Variants in THOC5 observed in about 807,000 individuals in gnomAD.
THOC5 encodes the protein Fms-interacting protein.
THOC5 carries 43 observed loss-of-function variants against 92.9 expected under a neutral mutation model. The ratio of observed to expected loss-of-function variants is 0.46; its 90% CI spans 0.36 to 0.60. THOC5 has a LOEUF of 0.60. THOC5 is among the 20% of genes least tolerant of loss of function. The probability of loss-of-function intolerance (pLI) is 0.00; values close to 1 mark genes in which losing one functional copy is unlikely to be tolerated. For missense variants in THOC5, 659 were observed against 849.4 expected (o/e 0.78, Z 2.79); for synonymous variants, 296 against 320.1 (o/e 0.92, Z 0.80).
intron 18 of THOC5, 59 bp from the exon 19 acceptor site, chr22:29,511,355 T>C (rs2063218671): frequency 1.3e-6 from 2 of 1,556,180 alleles, no homozygotes; most frequent in Non-Finnish European, 1.7e-6. Flanking sequence ...GGGACCACAC[T>C]GGCCAGGCTT....
chr22:29,530,828 C>A (rs2063639481), intron 8 of THOC5, among the ~76,000 whole-genome samples: 1 of 152,062 alleles, frequency 6.6e-6, no homozygotes, highest in Admixed American at 6.6e-5. Context: ...ACATATGGTC[C>A]CAAGAGCCTG....
In THOC5 at chr22:29,531,237, T is replaced by C. The variant is rs990913411; in HGVS notation, c.847+594A>G. On this transcript the variant is annotated intron_variant, in intron 8 of 19. Coordinates refer to ENST00000490103, the MANE Select transcript of THOC5 (RefSeq NM_003678.5). ...GAGAAGCAAGCACTGGTGCGGTGTA[T>C]GTCTGTCTGATGAGGTGGGGTGGGG... The C allele has an allele frequency of 6.8e-6, 7 of 1,022,288 alleles. 1 individual carries two copies. Among genetic ancestry groups the C allele is most frequent in the East Asian group, 1.1e-4 (1 of 8,828 alleles). The allele number at this position is 1,022,288 out of a possible 1,614,324, so 63.3% of individuals were successfully genotyped here. A position where few individuals can be genotyped will look rare whatever the true frequency, so the allele number is the denominator to read the frequency against.
chr22:29,553,154 T>C (rs544075709), intron 1 of THOC5, among the ~76,000 whole-genome samples: 1 of 152,298 alleles, frequency 6.6e-6, no homozygotes, highest in Non-Finnish European at 1.5e-5. Context: ...TGTTCACTTG[T>C]TTATCTGCTG....
chr22:29,523,628 T>C (rs1555959548), intron 12 of THOC5, among the ~76,000 whole-genome samples: 1 of 152,060 alleles, frequency 6.6e-6, no homozygotes. Flanking sequence ...ACAAAGACGG[T>C]GGAAAGCCCA....
intron 13 of THOC5, among the ~76,000 whole-genome samples, chr22:29,520,528 C>G (rs2063420059): frequency 6.6e-6 from 1 of 152,022 alleles, no homozygotes; most frequent in South Asian, 2.1e-4. Flanking sequence ...GGGTCTGGCT[C>G]TGTTGCCCCC....
chr22:29,550,868 C>A (rs1569238444), intron 1 of THOC5: 1 of 152,138 alleles, frequency 6.6e-6, no homozygotes, highest in Non-Finnish European at 1.5e-5. Flanking sequence ...AATCCCTTTT[C>A]AATTCTTATT....
chr22:29,538,414 T>G (rs890860477), intron 6 of THOC5, among the ~76,000 whole-genome samples: 1 of 152,322 alleles, frequency 6.6e-6, no homozygotes, highest in East Asian at 1.9e-4. Flanking sequence ...TTTACAAAGC[T>G]TTCTGCCATA....
chr22:29,528,875 A>G, intron 9 of THOC5: 1 of 522,232 alleles, frequency 1.9e-6, no homozygotes, highest in Non-Finnish European at 3.4e-6. Context: ...TAACAATCCT[A>G]CATGAGGTGT....
intron 12 of THOC5, among the ~76,000 whole-genome samples, chr22:29,524,505 T>G (rs774004473): frequency 7.2e-5 from 11 of 152,162 alleles, no homozygotes; most frequent in Non-Finnish European, 1.0e-4. Context: ...GTTATTAGCA[T>G]GTAGGGCACC....
chr22:29,537,991 T>C (rs1480686030), intron 6 of THOC5, among the ~76,000 whole-genome samples: 1 of 152,232 alleles, frequency 6.6e-6, no homozygotes, highest in Non-Finnish European at 1.5e-5. Flanking sequence ...TATTTATTTA[T>C]TTATTTTTTG....
chr22:29,547,370 T>C (rs529473186), intron 2 of THOC5, among the ~76,000 whole-genome samples: 3 of 152,026 alleles, frequency 2.0e-5, no homozygotes, highest in Non-Finnish European at 4.4e-5. Flanking sequence ...ATCAACTTTT[T>C]TTTTTTTCTT....
Position 29,525,914 on chromosome 22 carries a change from G to A in THOC5, c.1099C>T (p.Leu367Phe). The A allele has an allele frequency of 6.2e-7, 1 of 1,613,964 alleles. No homozygotes were observed. Among genetic ancestry groups the A allele is most frequent in the Non-Finnish European group, 8.5e-7 (1 of 1,179,928 alleles). Reference protein sequence around the residue: ...DSVLHLTFYYLMNLNIMTVKA... With the variant: ...DSVLHLTFYYFMNLNIMTVKA... ...ACTGTCATGATGTTGAGGTTCATGAGGTAGTAGAAAGTCAGGTGAAGCACA... is the reference window on the plus strand; with the variant it reads ...ACTGTCATGATGTTGAGGTTCATGAAGTAGTAGAAAGTCAGGTGAAGCACA... Residue 367 changes from leucine (L) to phenylalanine (F), a missense_variant, in exon 12 of 20, where the codon CTC becomes TTC. By Grantham distance (22) the Leu-to-Phe change is conservative (BLOSUM62 0). Coordinates refer to ENST00000490103, the MANE Select transcript of THOC5 (RefSeq NM_003678.5).
intron 8 of THOC5, among the ~76,000 whole-genome samples, chr22:29,529,986 T>A (rs1025106759): frequency 1.3e-5 from 2 of 151,646 alleles, no homozygotes; most frequent in Non-Finnish European, 2.9e-5. Flanking sequence ...GTACTAAAAA[T>A]ACAAAAATTA....
intron 11 of THOC5, among the ~76,000 whole-genome samples, chr22:29,526,773 G>A (rs769642625): frequency 2.0e-5 from 3 of 152,062 alleles, no homozygotes; most frequent in Non-Finnish European, 4.4e-5. Flanking sequence ...ACATGATAGC[G>A]ACGACCTCAT....
rs781172346 is a variant in THOC5, at chr22:29,544,557, G to A, written c.143C>T (p.Pro48Leu). 3.7e-6 allele frequency: 6 copies of A among 1,613,770 alleles called. No homozygotes were observed. In the East Asian group the frequency reaches 1.3e-4, roughly 36 times the overall value. Reference protein sequence around the residue: ...SEEAEVDLRDPGRDYELYKYT... With the variant: ...SEEAEVDLRDLGRDYELYKYT... ...CTTGTATAACTCATAGTCTCTGCCA[G>A]GGTCCCGCAGATCCACCTCGGCCTC... Residue 48 changes from proline to leucine, a missense_variant, in exon 3 of 20, where the codon CCT (proline) becomes CTT (leucine). By Grantham distance (98) the Pro-to-Leu change is moderately conservative. Coordinates refer to ENST00000490103, the MANE Select transcript of THOC5 (RefSeq NM_003678.5).
At chr22:29,511,023 G>C in intron 19 of THOC5, 83 bp downstream of exon 19, 1 of 1,468,270 alleles carries the variant, frequency 6.8e-7, no homozygotes, top group South Asian at 1.3e-5. Context: ...GAAGGAAGAA[G>C]CAAGCTCTCC....
At chr22:29,530,541 TACTC>T (rs1448009900) in intron 8 of THOC5, among the ~76,000 whole-genome samples, 1 of 152,104 alleles carries the variant, frequency 6.6e-6, no homozygotes, top group Admixed American at 6.5e-5. Context: ...TTTTTTTTAA[TACTC>T]ACAACAACCC....
chr22:29,540,857 A>G (rs2063866677), intron 5 of THOC5, among the ~76,000 whole-genome samples: 1 of 152,122 alleles, frequency 6.6e-6, no homozygotes, highest in African/African-American at 2.4e-5. Flanking sequence ...TGCAGATTTC[A>G]CCTCTATTCA....
At position 29,538,801 on chromosome 22, in the gene THOC5, G is replaced by GA. The variant is rs1377166309; in HGVS notation, c.599+528dup. ...AATAGAGTGAAACGCCATCTCTTTGGAAAAAAAAAAAAAAAAAAAAAAAAA... is the reference window on the plus strand; with the variant it reads ...AATAGAGTGAAACGCCATCTCTTTGGAAAAAAAAAAAAAAAAAAAAAAAAAA... On this transcript the variant is annotated intron_variant, in intron 6 of 19. Coordinates refer to ENST00000490103, the MANE Select transcript of THOC5 (RefSeq NM_003678.5). Among the ~76,000 whole-genome samples the GA allele has an allele frequency of 1.1e-3, 104 of 91,970 alleles. 3 individuals are homozygous for GA. Among genetic ancestry groups the GA allele is most frequent in the African/African-American group, 2.7e-3 (63 of 23,632 alleles). 60.3% of individuals were successfully genotyped at this position (91,970 alleles called of 152,430 possible). A position where few individuals can be genotyped will look rare whatever the true frequency, so the allele number is the denominator to read the frequency against.
Sources: allele counts gnomAD v4.1 joint callset (sites outside exome capture counted in the v4.1 genomes callset), GRCh38; gene constraint gnomAD v4.1.1; transcripts MANE v1.5; gene names NCBI Gene and HGNC (gene_info 2026-07-23, HGNC 2026-07-21).